ALDH1A2: variants seen among roughly 807,000 people sequenced by gnomAD.
ALDH1A2 encodes the protein aldehyde dehydrogenase 1 family member A2, also known as retinal dehydrogenase 2.
A neutral mutation model predicts 60.3 loss-of-function variants in ALDH1A2; 27 were observed. The ratio of observed to expected loss-of-function variants is 0.45; its 90% CI spans 0.33 to 0.62. The LOEUF (loss-of-function observed/expected upper bound fraction) is 0.62. Ranked by LOEUF, ALDH1A2 falls within the 20% of genes least tolerant of loss-of-function variation. ALDH1A2 has a pLI of 0.02. For synonymous variants in ALDH1A2, 289 were observed against 232.4 expected (o/e 1.24, Z -2.21); for missense variants, 581 against 643.8 (o/e 0.90, Z 1.06).
At chr15:58,002,309 T>C (rs1194825183) in intron 4 of ALDH1A2, among the ~76,000 whole-genome samples, 1 of 151,926 alleles carries the variant, frequency 6.6e-6, no homozygotes, top group African/African-American at 2.4e-5. Flanking sequence ...CTCTACTATA[T>C]TTGCGAACTA....
chr15:57,982,724 A>G (rs1256372803), intron 7 of ALDH1A2, among the ~76,000 whole-genome samples: 7 of 152,208 alleles, frequency 4.6e-5, no homozygotes, highest in East Asian at 3.8e-4. Flanking sequence ...CTTGCCCTCA[A>G]TGTGGTTAAG....
In ALDH1A2 at chr15:57,960,799, T is replaced by A. The variant is rs1231176640; in HGVS notation, c.1455A>T (p.Gly485=). ...CTCTCCCATTTCCAGACATCTTGAATCCCCCAAAGGGGCTCTGGGCATTTA... is the reference window on the plus strand; with the variant it reads ...CTCTCCCATTTCCAGACATCTTGAAACCCCCAAAGGGGCTCTGGGCATTTA... ...NALNAQSPFG[G]FKMSGNGREM... The change falls in exon 12 of 13, where the codon GGA becomes GGT. Residue 485 remains glycine, a synonymous_variant. Transcript: ENST00000249750. 5.0e-6 allele frequency: 8 copies of A among 1,613,830 alleles called. No homozygotes were observed. Among genetic ancestry groups the A allele is most frequent in the South Asian group, 1.1e-5 (1 of 91,076 alleles).
intron 1 of ALDH1A2, chr15:58,065,263 C>T: frequency 2.1e-6 from 1 of 478,818 alleles, no homozygotes; most frequent in Non-Finnish European, 3.8e-6. Context: ...AGAAACCAGC[C>T]TCAGAGTCCG....
chr15:57,996,146 CAGG>C lies in ALDH1A2; in HGVS notation c.494-1010_494-1008del, dbSNP rs1247802379. Among the ~76,000 whole-genome samples the C allele has an allele frequency of 2.0e-5, 3 of 152,168 alleles. No homozygotes were observed. In the East Asian group the frequency reaches 5.8e-4, roughly 29 times the overall value. On this transcript the variant is annotated intron_variant, in intron 4 of 12. Coordinates refer to ENST00000249750, the MANE Select transcript of ALDH1A2 (RefSeq NM_003888.4). ...TTATAGGTGGAAATGAAGGTGGGGACAGGAGGACTGTGTGGGTCGGGAAAAGAG... is the reference window on the plus strand; with the variant it reads ...TTATAGGTGGAAATGAAGGTGGGGACAGGACTGTGTGGGTCGGGAAAAGAG...
chr15:58,026,396 T>C (rs1595675159), intron 1 of ALDH1A2, among the ~76,000 whole-genome samples: 2 of 152,124 alleles, frequency 1.3e-5, no homozygotes, highest in African/African-American at 2.4e-5. Flanking sequence ...CCTATCGGTA[T>C]GCTTCCAAGA....
At chr15:58,043,826 T>C (rs1315539022) in intron 1 of ALDH1A2, among the ~76,000 whole-genome samples, 1 of 152,146 alleles carries the variant, frequency 6.6e-6, no homozygotes, top group Admixed American at 6.6e-5. Flanking sequence ...TAAAATGCTC[T>C]AATGAATGAG....
intron 7 of ALDH1A2, among the ~76,000 whole-genome samples, chr15:57,978,017 T>C (rs1269904298): frequency 6.6e-6 from 1 of 152,216 alleles, no homozygotes; most frequent in Non-Finnish European, 1.5e-5. Flanking sequence ...TGTATAGGAA[T>C]ACTTGTGATT....
At chr15:58,012,813 C>T (rs1357724369) in intron 3 of ALDH1A2, among the ~76,000 whole-genome samples, 1 of 151,936 alleles carries the variant, frequency 6.6e-6, no homozygotes, top group Non-Finnish European at 1.5e-5. Flanking sequence ...TGATTCCTTC[C>T]CCAGAAGCAA....
intron 9 of ALDH1A2, 125 bp downstream of exon 9, chr15:57,963,760 A>G (rs1185500647): frequency 3.2e-6 from 3 of 942,208 alleles, no homozygotes; most frequent in East Asian, 2.4e-5. Flanking sequence ...CCACGAAGAC[A>G]TGGTGGAGAA....
intron 7 of ALDH1A2, among the ~76,000 whole-genome samples, chr15:57,966,528 T>C (rs1555399196): frequency 6.6e-6 from 1 of 152,240 alleles, no homozygotes; most frequent in Non-Finnish European, 1.5e-5. Flanking sequence ...GGCAGAACTC[T>C]ACCTCAGTGA....
chr15:57,973,146 G>A (rs1357354894), intron 7 of ALDH1A2, among the ~76,000 whole-genome samples: 1 of 152,154 alleles, frequency 6.6e-6, no homozygotes, highest in Non-Finnish European at 1.5e-5. Flanking sequence ...ATCATTGTTT[G>A]TTAACCTGAG....
In ALDH1A2 at chr15:57,959,411, T is replaced by C. The variant is rs558976382; in HGVS notation, c.1484+1359A>G. ...AGGAATACTAAGAACTGAACAAATA[T>C]GACCCAGATTGGTTATAGGTTCTGG... On this transcript the variant is annotated intron_variant, in intron 12 of 12. Transcript: ENST00000249750. Among the ~76,000 whole-genome samples, 40 of 152,316 alleles carry C rather than the reference T, an allele frequency of 2.6e-4. No homozygotes were observed. The South Asian group carries it at 3.3e-3, about 13-fold the overall frequency.
chr15:58,061,950 GA>G (rs1423656168), intron 1 of ALDH1A2, among the ~76,000 whole-genome samples: 1 of 152,098 alleles, frequency 6.6e-6, no homozygotes. Flanking sequence ...TAATCTCCCA[GA>G]AGGCAGATGT....
At chr15:58,035,284 T>A (rs1478410063) in intron 1 of ALDH1A2, among the ~76,000 whole-genome samples, 1 of 151,642 alleles carries the variant, frequency 6.6e-6, no homozygotes, top group East Asian at 1.9e-4. Flanking sequence ...TCCGTGGCAG[T>A]AGTAGCAATA....
chr15:57,982,780 T>C (rs183928563), intron 7 of ALDH1A2, among the ~76,000 whole-genome samples: 2 of 152,326 alleles, frequency 1.3e-5, no homozygotes, highest in Non-Finnish European at 2.9e-5. Flanking sequence ...GGGAAATCAC[T>C]GTTGAGGAAA....
intron 1 of ALDH1A2, 35 bp from the exon 2 acceptor site, chr15:58,014,316 A>G: frequency 7.2e-6 from 11 of 1,535,010 alleles, no homozygotes; most frequent in Non-Finnish European, 9.9e-6. Context: ...GATCTGTGAC[A>G]CAGGTGATAA....
chr15:58,010,924 A>G (rs1895615675), intron 3 of ALDH1A2, 146 bp from the exon 4 acceptor site: 1 of 1,114,740 alleles, frequency 9.0e-7, no homozygotes, highest in African/African-American at 1.6e-5. Flanking sequence ...TCAAATAAAA[A>G]GATTTCTAGT....
chr15:58,045,747 G>C (rs1056846536), intron 1 of ALDH1A2, among the ~76,000 whole-genome samples: 5 of 151,980 alleles, frequency 3.3e-5, no homozygotes, highest in African/African-American at 1.2e-4. Flanking sequence ...CCTGTCAGGG[G>C]ATGGGGGGCT....
At chr15:58,007,564 G>C (rs549020332) in intron 4 of ALDH1A2, among the ~76,000 whole-genome samples, 23 of 152,014 alleles carry the variant, frequency 1.5e-4, no homozygotes, top group African/African-American at 4.8e-4. Context: ...GATGTAAAAT[G>C]GGTAAAATAC....
Sources: gnomAD v4.1 joint callset for allele counts (sites outside exome capture counted in the v4.1 genomes callset) on GRCh38, gnomAD v4.1.1 for gene constraint, MANE v1.5 for transcripts, NCBI Gene and HGNC (gene_info 2026-07-23, HGNC 2026-07-21) for gene names.